The following NAP1L1 variants were observed in gnomAD, a reference collection of about 807,000 sequenced individuals.
NAP1L1 encodes the protein nucleosome assembly protein 1 like 1.
A neutral mutation model predicts 58.9 loss-of-function variants in NAP1L1; 9 were observed. That is an observed-to-expected ratio of 0.15 (90% CI 0.09 to 0.27). The LOEUF (loss-of-function observed/expected upper bound fraction) is 0.27, where lower values mean the gene tolerates loss of function less well. NAP1L1 is among the 10% of genes least tolerant of loss of function. The pLI is 1.00. For synonymous variants in NAP1L1, 130 were observed against 138.3 expected (o/e 0.94, Z 0.42); for missense variants, 302 against 458.8 (o/e 0.66, Z 3.12).
At chr12:76,077,520 T>C (rs938436763) in intron 1 of NAP1L1, among the ~76,000 whole-genome samples, 10 of 152,190 alleles carry the variant, frequency 6.6e-5, no homozygotes, top group East Asian at 3.9e-4. Flanking sequence ...GTAGACCACA[T>C]TGAGAAACAC....
At chr12:76,058,937 TAGG>T (rs1319338085) in intron 6 of NAP1L1, among the ~76,000 whole-genome samples, 1 of 152,158 alleles carries the variant, frequency 6.6e-6, no homozygotes, top group African/African-American at 2.4e-5. Flanking sequence ...ATACTGTTGG[TAGG>T]AGTTGTTGGA....
At chr12:76,077,748 C>A (rs775608878) in intron 1 of NAP1L1, among the ~76,000 whole-genome samples, 66 of 151,918 alleles carry the variant, frequency 4.3e-4, no homozygotes, top group Non-Finnish European at 8.1e-4. Context: ...CTTTGAAAGT[C>A]CAAGGCAGGC....
intron 1 of NAP1L1, among the ~76,000 whole-genome samples, chr12:76,075,561 A>G (rs1950141855): frequency 2.0e-5 from 3 of 151,966 alleles, no homozygotes; most frequent in African/African-American, 7.3e-5. Flanking sequence ...AATGTATCTA[A>G]CTCTGTAAAT....
At chr12:76,076,555 TATATATATATATATATATATATATA>T (rs2137096546) in intron 1 of NAP1L1, among the ~76,000 whole-genome samples, 1 of 7,278 alleles carries the variant, frequency 1.4e-4, no homozygotes, top group African/African-American at 3.7e-4. Flanking sequence ...TGGAAATATA[TATATATATATATATATATATATATA>T]TATATATATA....
intron 2 of NAP1L1, among the ~76,000 whole-genome samples, chr12:76,069,840 C>T (rs1169798810): frequency 2.0e-5 from 3 of 151,368 alleles, no homozygotes; most frequent in Admixed American, 1.3e-4. Flanking sequence ...AAAAAAATCA[C>T]CAAAAATCTA....
chr12:76,065,774 C>T (rs1198020329), intron 4 of NAP1L1, among the ~76,000 whole-genome samples: 1 of 151,910 alleles, frequency 6.6e-6, no homozygotes, highest in African/African-American at 2.4e-5. Context: ...TTCCTATCAA[C>T]GTTTTAAGGT....
At chr12:76,068,735 TACAC>T (rs35120003) in intron 3 of NAP1L1, 170 bp downstream of exon 3, 6,241 of 294,292 alleles carry the variant, frequency 0.021, 32 homozygotes, top group Middle Eastern at 0.058. Flanking sequence ...ACCCGCCCCT[TACAC>T]ACACACACAC....
chr12:76,069,187 A>G (rs558243978), intron 2 of NAP1L1, among the ~76,000 whole-genome samples, 193 bp from the exon 3 acceptor site: 2 of 152,332 alleles, frequency 1.3e-5, no homozygotes, highest in East Asian at 3.9e-4. Context: ...TTTCATTAAA[A>G]GCATCTGGTC....
intron 2 of NAP1L1, 46 bp from the exon 3 acceptor site, chr12:76,069,040 C>A: frequency 1.5e-6 from 2 of 1,342,850 alleles, no homozygotes; most frequent in Non-Finnish European, 2.1e-6. Flanking sequence ...TACCAATTAC[C>A]AAAAAAAGTT....
At position 76,049,780 on chromosome 12, in the gene NAP1L1, A is replaced by C; in HGVS notation, c.1065T>G (p.Asp355Glu). The change falls in exon 13 of 15, where the codon GAT becomes GAG. Residue 355 changes from aspartate (D) to glutamate (E), a missense_variant. By Grantham distance (45) the Asp-to-Glu change is conservative. Transcript: ENST00000618691. ...EAIEDDDDDY[D>E]EEGEEADEEG... ...CCTCATCCGCTTCTTCACCTTCTTC[A>C]TCATACTGAAAAGGAAAAACAGCGT... The C allele has an allele frequency of 1.2e-6, 2 of 1,612,874 alleles. No individual in the cohort carries two copies. Among genetic ancestry groups the C allele is most frequent in the Non-Finnish European group, 1.7e-6 (2 of 1,179,484 alleles).
intron 12 of NAP1L1, among the ~76,000 whole-genome samples, chr12:76,050,204 A>G (rs1948754793): frequency 6.6e-6 from 1 of 152,190 alleles, no homozygotes; most frequent in African/African-American, 2.4e-5. Flanking sequence ...GCCTCCCAGT[A>G]AATGTTTTCT....
At chr12:76,080,696 G>A (rs1009365080) in intron 1 of NAP1L1, among the ~76,000 whole-genome samples, 1 of 152,192 alleles carries the variant, frequency 6.6e-6, no homozygotes, top group Non-Finnish European at 1.5e-5. Context: ...CTAGAGCACA[G>A]TGGGATACAA....
At chr12:76,066,908 C>G (rs1470645619) in intron 4 of NAP1L1, among the ~76,000 whole-genome samples, 1 of 151,960 alleles carries the variant, frequency 6.6e-6, no homozygotes, top group African/African-American at 2.4e-5. Context: ...TAATAAAACA[C>G]AGCGAACACA....
At chr12:76,052,489 G>C (rs1348247447) in intron 11 of NAP1L1, among the ~76,000 whole-genome samples, 1 of 152,150 alleles carries the variant, frequency 6.6e-6, no homozygotes, top group East Asian at 1.9e-4. Flanking sequence ...AAAGTATTCA[G>C]TTTAGGTTAA....
chr12:76,078,003 G>GAAAAAAAA (rs1565749743), intron 1 of NAP1L1, among the ~76,000 whole-genome samples: 1 of 135,956 alleles, frequency 7.4e-6, no homozygotes, highest in Non-Finnish European at 1.5e-5. Context: ...AAAAAAAAAG[G>GAAAAAAAA]AAAAGAATTA....
intron 4 of NAP1L1, among the ~76,000 whole-genome samples, chr12:76,062,549 T>C (rs80240443): frequency 3.0e-3 from 460 of 152,256 alleles, no homozygotes; most frequent in Non-Finnish European, 4.5e-3. Flanking sequence ...ATGAGGAAGA[T>C]TGACATGCAA....
chr12:76,074,204 T>G lies in NAP1L1; in HGVS notation c.16A>C (p.Asn6His). 1 of 1,601,392 alleles carries G rather than the reference T, an allele frequency of 6.2e-7. No homozygotes were observed. The highest frequency in any genetic ancestry group is 2.3e-5 in the East Asian group (1 of 44,350). MADID[N>H]KEQSELDQDL... is the part of the protein sequence containing the mutation. The stretch of plus-strand genomic sequence containing the variant: ...AAGAACCAACTCTCTGCCACTTACT[T>G]GTCAATGTCTGCCATGTTGTAAGAA... Residue 6 changes from asparagine (N) to histidine (H), a missense_variant and splice_region_variant, in exon 2 of 15, where the codon AAC (asparagine) becomes CAC (histidine). Transcript: ENST00000618691.
At chr12:76,068,159 T>C (rs1185321234) in intron 3 of NAP1L1, among the ~76,000 whole-genome samples, 1 of 152,196 alleles carries the variant, frequency 6.6e-6, no homozygotes, top group Non-Finnish European at 1.5e-5. Flanking sequence ...TTACTTTTTT[T>C]GAGGTCAATT....
chr12:76,077,068 G>A (rs1950208937), intron 1 of NAP1L1, among the ~76,000 whole-genome samples: 1 of 152,118 alleles, frequency 6.6e-6, no homozygotes, highest in Non-Finnish European at 1.5e-5. Context: ...GTCAAAAACA[G>A]AAACAAAACC....
Sources: allele counts gnomAD v4.1 joint callset (sites outside exome capture counted in the v4.1 genomes callset), GRCh38; gene constraint gnomAD v4.1.1; transcripts MANE v1.5; gene names NCBI Gene and HGNC (gene_info 2026-07-23, HGNC 2026-07-21).